Variants in TTC28 observed in about 807,000 individuals in gnomAD.
TTC28 encodes tetratricopeptide repeat protein 28.
Under a neutral mutation model 198.0 loss-of-function variants are expected in TTC28, and 61 were observed. The ratio of observed to expected loss-of-function variants is 0.31; its 90% CI spans 0.25 to 0.38. TTC28 has a LOEUF of 0.38. Among genes scored for constraint, TTC28 ranks in the 10% least tolerant of loss-of-function variants. The pLI is 1.00. For synonymous variants in TTC28, 1,171 were observed against 1,297.8 expected (o/e 0.90, Z 2.10); for missense variants, 2,678 against 3,164.0 (o/e 0.85, Z 3.69).
chr22:28,537,324 A>AAAATAAAATAAAATAAAAT, intron 2 of TTC28, among the ~76,000 whole-genome samples: 18 of 145,112 alleles, frequency 1.2e-4, no homozygotes, highest in Admixed American at 2.0e-4. Flanking sequence ...AAAATAAAAT[A>AAAATAAAATAAAATAAAAT]AAATAAAATA....
chr22:28,547,461 G>A (rs1169381313), intron 2 of TTC28, among the ~76,000 whole-genome samples: 3 of 152,078 alleles, frequency 2.0e-5, no homozygotes, highest in Admixed American at 6.6e-5. Flanking sequence ...ATTAATAAAC[G>A]ATGTAAAACT....
chr22:28,139,592 A>G (rs1225645441), intron 6 of TTC28, among the ~76,000 whole-genome samples: 3 of 152,154 alleles, frequency 2.0e-5, no homozygotes, highest in Non-Finnish European at 4.4e-5. Context: ...GAAGGAAAAT[A>G]CTGCAAGGAA....
chr22:28,191,919 T>A (rs1924819655), intron 5 of TTC28, among the ~76,000 whole-genome samples: 1 of 152,182 alleles, frequency 6.6e-6, no homozygotes, highest in Non-Finnish European at 1.5e-5. Context: ...AATGACCCTG[T>A]CTGACAGCTT....
rs779379306 is a variant in TTC28, at chr22:27,993,536, G to A, written c.5245-18C>T. 3.9e-6 allele frequency: 6 copies of A among 1,529,874 alleles called. No individual in the cohort carries two copies. Among genetic ancestry groups the A allele is most frequent in the South Asian group, 1.2e-5 (1 of 81,068 alleles). The allele number at this position is 1,529,874 out of a possible 1,614,324, so 94.8% of individuals were successfully genotyped here. Reference sequence around the variant, plus strand: ...TTCTCCACCTGAGGGGGAATTGGGGGTGAGTCAGAGACCCAGGCCAGCCCT... The same window carrying A: ...TTCTCCACCTGAGGGGGAATTGGGGATGAGTCAGAGACCCAGGCCAGCCCT... On this transcript the variant is annotated intron_variant, in intron 17 of 22. Transcript: ENST00000397906.
chr22:28,247,353 G>T (rs1450782721), intron 5 of TTC28, among the ~76,000 whole-genome samples: 1 of 152,194 alleles, frequency 6.6e-6, no homozygotes, highest in Non-Finnish European at 1.5e-5. Flanking sequence ...GGAATATAAT[G>T]AGAATCATAT....
At chr22:28,033,536 T>A (rs1001199024) in intron 12 of TTC28, among the ~76,000 whole-genome samples, 2 of 152,206 alleles carry the variant, frequency 1.3e-5, no homozygotes, top group African/African-American at 4.8e-5. Flanking sequence ...GCTCTTACTA[T>A]CTGGTATGAC....
At chr22:28,669,753 T>A (rs1037821775) in intron 1 of TTC28, among the ~76,000 whole-genome samples, 1 of 152,242 alleles carries the variant, frequency 6.6e-6, no homozygotes, top group African/African-American at 2.4e-5. Context: ...CGTTCTTATC[T>A]ATCTTTATTT....
intron 2 of TTC28, among the ~76,000 whole-genome samples, chr22:28,338,039 G>A (rs2045762254): frequency 6.6e-6 from 1 of 152,014 alleles, no homozygotes; most frequent in African/African-American, 2.4e-5. Context: ...AGGCCTGGTG[G>A]TGACAAAATC....
chr22:28,521,880 A>G (rs1445804605), intron 2 of TTC28, among the ~76,000 whole-genome samples: 1 of 152,204 alleles, frequency 6.6e-6, no homozygotes, highest in Non-Finnish European at 1.5e-5. Context: ...TTAGGGCTAG[A>G]GCCCTGGTGA....
intron 16 of TTC28, chr22:27,996,507 G>C: frequency 2.0e-6 from 1 of 492,264 alleles, no homozygotes; most frequent in Non-Finnish European, 3.6e-6. Flanking sequence ...CTATTTTGCA[G>C]AAAGGAGCCG....
chr22:28,233,331 T>G (rs1417355257), intron 5 of TTC28, among the ~76,000 whole-genome samples: 1 of 152,166 alleles, frequency 6.6e-6, no homozygotes, highest in Non-Finnish European at 1.5e-5. Flanking sequence ...ACCATATATC[T>G]TCACGTAATT....
intron 5 of TTC28, among the ~76,000 whole-genome samples, chr22:28,220,599 T>C (rs556876195): frequency 7.2e-5 from 11 of 152,306 alleles, no homozygotes; most frequent in Non-Finnish European, 1.0e-4. Flanking sequence ...TTCCCCAATA[T>C]AGCTACTTGC....
Position 27,998,889 on chromosome 22 carries a change from A to G in TTC28, c.4770T>C (p.Ser1590=). 6.5e-7 allele frequency: 1 copy of G among 1,550,350 alleles called. No individual in the cohort carries two copies. Among genetic ancestry groups the G allele is most frequent in the East Asian group, 2.4e-5 (1 of 40,896 alleles). ...GGCAGTCCGAGATGCTCTCCCCATC[A>G]CTGGCATCGTCCTGCACCCGCAAGG... ...PESLRVQDDA[S]DGESISDCPP... Residue 1590 remains serine (S), a synonymous_variant, in exon 16 of 23, where the codon AGT becomes AGC. Transcript: ENST00000397906.
At chr22:28,500,933 G>A (rs1024534071) in intron 2 of TTC28, among the ~76,000 whole-genome samples, 8 of 152,088 alleles carry the variant, frequency 5.3e-5, no homozygotes, top group Admixed American at 5.2e-4. Context: ...TATTATATTT[G>A]CCCTTAATTT....
At chr22:28,493,426 C>T (rs1162970507) in intron 2 of TTC28, among the ~76,000 whole-genome samples, 2 of 152,038 alleles carry the variant, frequency 1.3e-5, no homozygotes, top group African/African-American at 4.8e-5. Flanking sequence ...GAAACCAATT[C>T]ATTACTGTGA....
chr22:28,196,192 T>G (rs922459839), intron 5 of TTC28, among the ~76,000 whole-genome samples: 1 of 152,102 alleles, frequency 6.6e-6, no homozygotes, highest in African/African-American at 2.4e-5. Context: ...GGGGAAAGGA[T>G]TCCCTATTTA....
chr22:28,214,278 A>G (rs942281263), intron 5 of TTC28, among the ~76,000 whole-genome samples: 1 of 152,254 alleles, frequency 6.6e-6, no homozygotes, highest in African/African-American at 2.4e-5. Context: ...AAAATTGACA[A>G]ATGGGATCTA....
intron 2 of TTC28, among the ~76,000 whole-genome samples, chr22:28,491,931 T>C (rs1302921977): frequency 6.6e-6 from 1 of 152,078 alleles, no homozygotes; most frequent in Non-Finnish European, 1.5e-5. Flanking sequence ...TATGCAGCCA[T>C]AAAAAAGGAT....
chr22:28,415,677 G>C (rs559326533), intron 2 of TTC28, among the ~76,000 whole-genome samples: 7 of 152,258 alleles, frequency 4.6e-5, no homozygotes, highest in Non-Finnish European at 1.0e-4. Context: ...GCTTTGAATG[G>C]GTACATAATG....
Sources: gnomAD v4.1 joint callset for allele counts (sites outside exome capture counted in the v4.1 genomes callset) on GRCh38, gnomAD v4.1.1 for gene constraint, MANE v1.5 for transcripts, NCBI Gene and HGNC (gene_info 2026-07-23, HGNC 2026-07-21) for gene names.